Variants in GRID1 observed in about 807,000 individuals in gnomAD.
GRID1 encodes glutamate ionotropic receptor delta type subunit 1, also known as glutamate receptor ionotropic, delta-1.
A neutral mutation model predicts 98.0 loss-of-function variants in GRID1; 28 were observed. That is an observed-to-expected ratio of 0.29 (90% confidence interval 0.21 to 0.39). The LOEUF (loss-of-function observed/expected upper bound fraction) is 0.39. Among genes scored for constraint, GRID1 ranks in the 10% least tolerant of loss-of-function variants. The pLI is 1.00. For missense variants in GRID1, 1,111 were observed against 1,340.5 expected (o/e 0.83, Z 2.67); for synonymous variants, 553 against 538.5 (o/e 1.03, Z -0.37).
intron 5 of GRID1, among the ~76,000 whole-genome samples, chr10:85,895,016 A>AAAAAATATATAT (rs766551035): frequency 1.0e-5 from 1 of 97,106 alleles, no homozygotes; most frequent in Non-Finnish European, 2.1e-5. Context: ...AAAAAAAAAA[A>AAAAAATATATAT]ATATATATAT....
chr10:86,222,439 A>C (rs1012122560), intron 2 of GRID1, among the ~76,000 whole-genome samples: 2 of 152,162 alleles, frequency 1.3e-5, no homozygotes, highest in African/African-American at 4.8e-5. Context: ...TGGTGGGAGC[A>C]GTGGGTCAGG....
intron 3 of GRID1, among the ~76,000 whole-genome samples, chr10:86,153,070 G>A (rs914409668): frequency 3.3e-5 from 5 of 152,148 alleles, no homozygotes; most frequent in African/African-American, 4.8e-5. Context: ...GCCTCCTGAC[G>A]CCACTTCTGC....
chr10:86,020,648 T>C lies in GRID1; in HGVS notation c.727-104409A>G, dbSNP rs759233855. Among the ~76,000 whole-genome samples, 5 of 152,306 alleles carry C rather than the reference T, an allele frequency of 3.3e-5. No individual in the cohort carries two copies. The South Asian group carries it at 8.3e-4, about 25-fold the overall frequency. On this transcript the variant is annotated intron_variant, in intron 4 of 15. Transcript: ENST00000327946. ...AGAGTGGAAAGTGCCTTGTAATTCA[T>C]CATTAGCTCCATTTCTACCATTTGC...
At chr10:86,331,951 C>T (rs1272485637) in intron 2 of GRID1, among the ~76,000 whole-genome samples, 1 of 152,090 alleles carries the variant, frequency 6.6e-6, no homozygotes, top group African/African-American at 2.4e-5. Context: ...GAGACACTGG[C>T]CATCCTGTTG....
In GRID1 at chr10:85,817,819, A is replaced by T. The variant is rs571371914; in HGVS notation, c.1233+36677T>A. On this transcript the variant is annotated intron_variant, in intron 8 of 15. Coordinates refer to ENST00000327946, the MANE Select transcript of GRID1 (RefSeq NM_017551.3). ...GGCAGGAGAATCGCTTGAACCCAGG[A>T]GGCAGAGGTTGCAGTGAGCCGAGAT... 2.0e-5 allele frequency among the ~76,000 whole-genome samples: 3 copies of T among 152,174 alleles called. No individual in the cohort carries two copies. The South Asian group carries it at 6.2e-4, about 32-fold the overall frequency.
intron 8 of GRID1, among the ~76,000 whole-genome samples, chr10:85,768,572 G>A (rs1590222941): frequency 6.6e-6 from 1 of 152,076 alleles, no homozygotes. Context: ...TTTTAATCTG[G>A]AAAAATTATA....
At chr10:86,328,280 C>A (rs1848082359) in intron 2 of GRID1, among the ~76,000 whole-genome samples, 1 of 152,200 alleles carries the variant, frequency 6.6e-6, no homozygotes, top group African/African-American at 2.4e-5. Flanking sequence ...ATAGAGCAAG[C>A]TGATTTCAGT....
chr10:85,625,292 C>G (rs960331393), intron 13 of GRID1, among the ~76,000 whole-genome samples: 4 of 152,226 alleles, frequency 2.6e-5, no homozygotes, highest in African/African-American at 7.2e-5. Context: ...GGAGCAGTGC[C>G]CTGGCCCATC....
At chr10:85,911,949 A>G (rs1841545144) in intron 5 of GRID1, among the ~76,000 whole-genome samples, 1 of 152,224 alleles carries the variant, frequency 6.6e-6, no homozygotes, top group Non-Finnish European at 1.5e-5. Flanking sequence ...CATCTAATGA[A>G]TGACCCAGAG....
intron 4 of GRID1, among the ~76,000 whole-genome samples, chr10:86,096,816 T>A (rs1844227353): frequency 6.6e-6 from 1 of 152,198 alleles, no homozygotes; most frequent in Non-Finnish European, 1.5e-5. Context: ...TCCAGAAGGC[T>A]GTATATGCTC....
At chr10:85,900,971 A>G (rs1347992264) in intron 5 of GRID1, among the ~76,000 whole-genome samples, 3 of 152,156 alleles carry the variant, frequency 2.0e-5, no homozygotes, top group African/African-American at 7.2e-5. Context: ...AAGTATTGCA[A>G]AAAGTGGAGG....
chr10:86,183,314 T>C (rs1293820566), intron 3 of GRID1, among the ~76,000 whole-genome samples: 2 of 151,838 alleles, frequency 1.3e-5, no homozygotes, highest in Non-Finnish European at 2.9e-5. Flanking sequence ...TGCTGAGTAG[T>C]ATTTTATCAT....
chr10:86,118,663 ATTTTTTAGTGG>A (rs1276699419), intron 4 of GRID1, among the ~76,000 whole-genome samples: 3 of 152,122 alleles, frequency 2.0e-5, no homozygotes, highest in Non-Finnish European at 4.4e-5. Context: ...ACAAAGGGTC[ATTTTTTAGTGG>A]AGAAACCTTG....
chr10:86,333,233 G>T (rs1848174360), intron 2 of GRID1, among the ~76,000 whole-genome samples: 1 of 152,100 alleles, frequency 6.6e-6, no homozygotes, highest in South Asian at 2.1e-4. Flanking sequence ...CTCATCTTAG[G>T]CAACCTGGTC....
intron 8 of GRID1, among the ~76,000 whole-genome samples, chr10:85,815,423 A>G (rs907987564): frequency 1.3e-5 from 2 of 152,048 alleles, no homozygotes; most frequent in African/African-American, 2.4e-5. Flanking sequence ...AAGAAATACA[A>G]GAAATATAGA....
At chr10:85,830,088 AT>A (rs1842854689) in intron 8 of GRID1, among the ~76,000 whole-genome samples, 1 of 152,250 alleles carries the variant, frequency 6.6e-6, no homozygotes, top group Admixed American at 6.5e-5. Flanking sequence ...CCAGAACAGC[AT>A]GGTACTCAAA....
intron 12 of GRID1, among the ~76,000 whole-genome samples, chr10:85,653,184 C>T (rs1041530571): frequency 2.0e-5 from 3 of 152,194 alleles, no homozygotes; most frequent in African/African-American, 7.2e-5. Context: ...AGGCTGCAGG[C>T]CCTCTGAAGG....
intron 4 of GRID1, among the ~76,000 whole-genome samples, chr10:86,034,908 GGA>G (rs1166103400): frequency 4.4e-5 from 6 of 136,174 alleles, no homozygotes; most frequent in Admixed American, 2.2e-4. Context: ...ATTGGTGGAT[GGA>G]TGGATGGATG....
chr10:85,757,975 C>T (rs568638923), intron 8 of GRID1, among the ~76,000 whole-genome samples: 1 of 152,316 alleles, frequency 6.6e-6, no homozygotes, highest in South Asian at 2.1e-4. Context: ...TATATCGTAA[C>T]ACTCCTGGCA....
Sources: allele counts gnomAD v4.1 joint callset (sites outside exome capture counted in the v4.1 genomes callset), GRCh38; gene constraint gnomAD v4.1.1; transcripts MANE v1.5; gene names NCBI Gene and HGNC (gene_info 2026-07-23, HGNC 2026-07-21).